PIAS1: variants seen among roughly 807,000 people sequenced by gnomAD.
The protein encoded by PIAS1 is E3 SUMO-protein ligase PIAS1.
In PIAS1, 6 loss-of-function variants were observed where a neutral mutation model predicts 71.3. The ratio of observed to expected loss-of-function variants is 0.08; its 90% CI spans 0.05 to 0.17. The LOEUF (loss-of-function observed/expected upper bound fraction) is 0.17, where lower values mean the gene tolerates loss of function less well. PIAS1 is among the 10% of genes least tolerant of loss of function. The pLI, the probability that PIAS1 is intolerant of heterozygous loss-of-function variation, is 1.00. For synonymous variants in PIAS1, 303 were observed against 292.9 expected (o/e 1.03, Z -0.35); for missense variants, 555 against 793.6 (o/e 0.70, Z 3.61).
intron 8 of PIAS1, among the ~76,000 whole-genome samples, chr15:68,170,166 T>C (rs1415665733): frequency 6.6e-6 from 1 of 152,276 alleles, no homozygotes. Flanking sequence ...GAGACACACA[T>C]AAATAAATAA....
At chr15:68,122,245 T>C (rs1265634867) in intron 2 of PIAS1, among the ~76,000 whole-genome samples, 3 of 152,164 alleles carry the variant, frequency 2.0e-5, no homozygotes, top group South Asian at 2.1e-4. Flanking sequence ...CAAGTTGATA[T>C]GGTAGTTGAC....
At position 68,191,070 on chromosome 15, in the gene PIAS1, ATTTTG is replaced by A. The variant is rs1365581609; in HGVS notation, c.*3240_*3244del. On this transcript the variant is annotated 3_prime_UTR_variant, in exon 14 of 14. Transcript: ENST00000249636. ...CACATTTGAAATTATTTTAGTAAGA[ATTTTG>A]TTTTATCAATAGATGTTGAATTCTG... 1.3e-5 allele frequency: 2 copies of A among 152,728 alleles called. No homozygotes were observed. Among genetic ancestry groups the A allele is most frequent in the Middle Eastern group, 3.4e-3 (1 of 294 alleles). The allele number at this position is 152,728 out of a possible 1,614,324, so 9.5% of individuals were successfully genotyped here. A position where few individuals can be genotyped will look rare whatever the true frequency, so the allele number is the denominator to read the frequency against.
At position 68,110,465 on chromosome 15, in the gene PIAS1, G is replaced by A. The variant is rs574169433; in HGVS notation, c.469+23715G>A. Among the ~76,000 whole-genome samples, 11 of 152,112 alleles carry A rather than the reference G, an allele frequency of 7.2e-5. No homozygotes were observed. In the South Asian group the frequency reaches 1.0e-3, roughly 14 times the overall value. The stretch of plus-strand genomic sequence containing the variant: ...AAAAAAATTAGCCCGGTGTGGTGGC[G>A]GGTGCCTGTAATCCCAGCTACTCAG... On this transcript the variant is annotated intron_variant, in intron 2 of 13. Coordinates refer to ENST00000249636, the MANE Select transcript of PIAS1 (RefSeq NM_016166.3).
Position 68,075,109 on chromosome 15 carries a change from C to T in PIAS1, c.25-11197C>T, listed in dbSNP as rs796512607. On this transcript the variant is annotated intron_variant, in intron 1 of 13. Transcript: ENST00000249636. ...TTTTTTTTTTTTTTTTTTTTTGAGG[C>T]GGAGTCTCTCTTTTGCCCAGGCTGG... is the stretch of plus-strand genomic sequence containing the variant. Among the ~76,000 whole-genome samples, 76 of 76,250 alleles carry T rather than the reference C, an allele frequency of 1.0e-3. 1 individual carries two copies. The highest frequency in any genetic ancestry group is 3.5e-3 in the African/African-American group (69 of 19,476). 50.0% of individuals were successfully genotyped at this position (76,250 alleles called of 152,430 possible).
chr15:68,181,409 A>T, intron 12 of PIAS1, 55 bp downstream of exon 12: 1 of 1,545,374 alleles, frequency 6.5e-7, no homozygotes, highest in Non-Finnish European at 8.9e-7. Flanking sequence ...CCTTTGATCT[A>T]TATAATTCTC....
chr15:68,164,591 G>A, intron 7 of PIAS1, 140 bp from the exon 8 acceptor site: 2 of 489,330 alleles, frequency 4.1e-6, no homozygotes, highest in East Asian at 5.9e-5. Context: ...CCATATGGTT[G>A]TTTTTATCTT....
rs887253480 is a variant in PIAS1 at position 68,174,940 on chromosome 15, C to G, written c.1170-697C>G. 1.3e-5 allele frequency among the ~76,000 whole-genome samples: 2 copies of G among 152,124 alleles called. No homozygotes were observed. The highest frequency in any genetic ancestry group is 2.9e-5 in the Non-Finnish European group (2 of 68,020). On this transcript the variant is annotated intron_variant, in intron 9 of 13. Transcript: ENST00000249636. The surrounding 1 kb of genome is among the most constrained non-coding windows in gnomAD (Gnocchi z 4.0). ...AGAATTAAATAGTGATATTTTCCAA[C>G]TTTATATGTTACATAGCTTTAGGTT...
At chr15:68,183,823 A>G (rs1372817890) in intron 13 of PIAS1, among the ~76,000 whole-genome samples, 156 bp downstream of exon 13, 1 of 152,180 alleles carries the variant, frequency 6.6e-6, no homozygotes, top group Admixed American at 6.5e-5. Context: ...CCATGGTAAC[A>G]TTGTAGCACA....
At chr15:68,078,533 T>G (rs1458576444) in intron 1 of PIAS1, among the ~76,000 whole-genome samples, 2 of 152,202 alleles carry the variant, frequency 1.3e-5, no homozygotes, top group Non-Finnish European at 2.9e-5. Context: ...TCCTTGACTG[T>G]CATTTAGTGC....
chr15:68,176,730 A>G, intron 11 of PIAS1, 76 bp downstream of exon 11: 6 of 1,001,992 alleles, frequency 6.0e-6, no homozygotes, highest in Non-Finnish European at 8.7e-6. Context: ...GACTTGCCAA[A>G]TAAAATGATT....
intron 5 of PIAS1, 45 bp from the exon 6 acceptor site, chr15:68,146,521 G>T: frequency 1.3e-6 from 2 of 1,491,568 alleles, no homozygotes; most frequent in East Asian, 2.3e-5. Context: ...AAGTCAAAAT[G>T]ATTGTGGAAA....
intron 1 of PIAS1, among the ~76,000 whole-genome samples, chr15:68,079,687 C>A (rs755477693): frequency 2.3e-4 from 35 of 151,772 alleles, no homozygotes; most frequent in Non-Finnish European, 4.9e-4. Flanking sequence ...CTGTATTGCC[C>A]AGGCTGGTCT....
chr15:68,065,599 A>AG (rs1211882774), intron 1 of PIAS1, among the ~76,000 whole-genome samples: 2 of 151,742 alleles, frequency 1.3e-5, no homozygotes, highest in African/African-American at 4.8e-5. Context: ...AAAAAAAAAA[A>AG]AAAAGAAAAA....
intron 2 of PIAS1, among the ~76,000 whole-genome samples, chr15:68,133,526 G>A (rs1011935226): frequency 5.3e-5 from 8 of 151,998 alleles, no homozygotes; most frequent in African/African-American, 1.9e-4. Context: ...GGATAAAAAA[G>A]ATAATTGGGA....
At chr15:68,181,000 C>T (rs1320674211) in intron 11 of PIAS1, among the ~76,000 whole-genome samples, 2 of 152,128 alleles carry the variant, frequency 1.3e-5, no homozygotes, top group Non-Finnish European at 2.9e-5. Flanking sequence ...TGCATCTGTC[C>T]ACTTCTTCCT....
chr15:68,098,285 A>G (rs951901768), intron 2 of PIAS1, among the ~76,000 whole-genome samples: 6 of 152,242 alleles, frequency 3.9e-5, no homozygotes, highest in African/African-American at 1.4e-4. Context: ...TCTTACAGCA[A>G]AGTAAGCTAG....
rs921005853 is a variant in PIAS1, at chr15:68,057,414, A to T, written c.24+3064A>T. On this transcript the variant is annotated intron_variant, in intron 1 of 13. Coordinates refer to ENST00000249636, the MANE Select transcript of PIAS1 (RefSeq NM_016166.3). ...CATGAAACTCCTCTTAAAGTAATTT[A>T]AAAAAAAATATGTGTTTTTTTGGAG... is the stretch of plus-strand genomic sequence containing the variant. 15 of 371,802 alleles carry T rather than the reference A, an allele frequency of 4.0e-5. No homozygotes were observed. The East Asian group carries it at 6.3e-4, about 16-fold the overall frequency. 23.0% of individuals were successfully genotyped at this position (371,802 alleles called of 1,614,324 possible). A position where few individuals can be genotyped will look rare whatever the true frequency, so the allele number is the denominator to read the frequency against.
intron 2 of PIAS1, among the ~76,000 whole-genome samples, chr15:68,100,502 G>A (rs944459450): frequency 1.3e-5 from 2 of 152,056 alleles, no homozygotes; most frequent in Non-Finnish European, 2.9e-5. Context: ...GGAGGGGGGC[G>A]CTGAGAAGTA....
chr15:68,179,783 G>A (rs1055159011), intron 11 of PIAS1, among the ~76,000 whole-genome samples: 3 of 151,280 alleles, frequency 2.0e-5, no homozygotes, highest in South Asian at 4.2e-4. Flanking sequence ...TCTCCCTGTT[G>A]GTGAGGCTGG....
Sources: gnomAD v4.1 joint callset for allele counts (sites outside exome capture counted in the v4.1 genomes callset) on GRCh38, gnomAD v4.1.1 for gene constraint, Gnocchi (gnomAD v3.1) non-coding constraint, MANE v1.5 for transcripts, NCBI Gene and HGNC (gene_info 2026-07-23, HGNC 2026-07-21) for gene names.